SH3D19: variants seen among roughly 807,000 people sequenced by gnomAD.
SH3D19 encodes SH3 domain-containing protein 19.
In SH3D19, 58 loss-of-function variants were observed where a neutral mutation model predicts 112.1. The ratio of observed to expected loss-of-function variants is 0.52; its 90% CI spans 0.42 to 0.64. The LOEUF (loss-of-function observed/expected upper bound fraction) is 0.64. Among genes scored for constraint, SH3D19 ranks in the 30% least tolerant of loss-of-function variants. The pLI, the probability that SH3D19 is intolerant of heterozygous loss-of-function variation, is 0.00. For synonymous variants in SH3D19, 391 were observed against 448.5 expected (o/e 0.87, Z 1.62); for missense variants, 1,090 against 1,263.4 (o/e 0.86, Z 2.08).
chr4:151,207,692 G>A (rs938335151), intron 2 of SH3D19, among the ~76,000 whole-genome samples: 3 of 152,296 alleles, frequency 2.0e-5, no homozygotes, highest in East Asian at 1.9e-4. Context: ...CTCCAAGCAC[G>A]AAGGGATAGC....
intron 3 of SH3D19, among the ~76,000 whole-genome samples, chr4:151,185,630 T>C (rs998887118): frequency 6.6e-6 from 1 of 152,208 alleles, no homozygotes; most frequent in Admixed American, 6.5e-5. Flanking sequence ...TTCCCACATA[T>C]TTATAGTTCA....
intron 1 of SH3D19, among the ~76,000 whole-genome samples, chr4:151,238,283 A>C (rs1053073902): frequency 9.2e-5 from 14 of 152,182 alleles, no homozygotes; most frequent in African/African-American, 2.9e-4. Flanking sequence ...TTTTTTATCT[A>C]TTTATGAAAT....
intron 1 of SH3D19, chr4:151,261,398 T>G (rs1772367883): frequency 6.6e-6 from 1 of 152,290 alleles, no homozygotes; most frequent in Non-Finnish European, 1.5e-5. Context: ...ACACATCTAG[T>G]GCCATCGCTG....
At position 151,226,100 on chromosome 4, in the gene SH3D19, A is replaced by C. The variant is rs1768948864; in HGVS notation, c.113-14T>G. 1 of 1,231,610 alleles carries C rather than the reference A, an allele frequency of 8.1e-7. No homozygotes were observed. The highest frequency in any genetic ancestry group is 4.2e-5 in the Admixed American group (1 of 23,706). The allele number at this position is 1,231,610 out of a possible 1,614,324, so 76.3% of individuals were successfully genotyped here. A position where few individuals can be genotyped will look rare whatever the true frequency, so the allele number is the denominator to read the frequency against. ...GTTCGTTGCGATCTGTAGAGAAAGAAGATGGTTACGTGTCAAAAGGTTCTT... is the reference window on the plus strand; with the variant it reads ...GTTCGTTGCGATCTGTAGAGAAAGACGATGGTTACGTGTCAAAAGGTTCTT... On this transcript the variant is annotated splice_polypyrimidine_tract_variant and intron_variant, in intron 1 of 19. Transcript: ENST00000604030.
At chr4:151,320,173 T>C (rs1199446674) in intron 1 of SH3D19, among the ~76,000 whole-genome samples, 4 of 152,234 alleles carry the variant, frequency 2.6e-5, no homozygotes, top group East Asian at 1.9e-4. Flanking sequence ...ACAACAGTTA[T>C]ATCAGTCCTT....
chr4:151,151,302 C>T (rs998964560), intron 9 of SH3D19, among the ~76,000 whole-genome samples: 10 of 152,048 alleles, frequency 6.6e-5, no homozygotes, highest in African/African-American at 2.4e-4. Context: ...TTGTTTTCCA[C>T]TTTTCCTACT....
chr4:151,175,171 A>G lies in SH3D19; in HGVS notation c.1033T>C (p.Ser345Pro), dbSNP rs1427378926. The change falls in exon 7 of 20, where the codon TCT (serine) becomes CCT (proline). Residue 345 changes from serine to proline, a missense_variant. Transcript: ENST00000604030. ...VAPKPAANRA[S>P]GEWDSGTENR... Reference sequence around the variant, plus strand: ...TCAGTCCCAGAGTCCCACTCTCCAGAAGCTCTGTTAGCAGCTGGTTTGGGA... The same window carrying G: ...TCAGTCCCAGAGTCCCACTCTCCAGGAGCTCTGTTAGCAGCTGGTTTGGGA... 4 of 1,613,954 alleles carry G rather than the reference A, an allele frequency of 2.5e-6. No homozygotes were observed. The highest frequency in any genetic ancestry group is 2.5e-6 in the Non-Finnish European group (3 of 1,180,016).
chr4:151,185,572 G>A (rs986066302), intron 3 of SH3D19, among the ~76,000 whole-genome samples: 5 of 152,178 alleles, frequency 3.3e-5, no homozygotes, highest in East Asian at 3.8e-4. Flanking sequence ...AGGCTATCAA[G>A]AAGTTTTCAT....
chr4:151,159,345 A>G lies in SH3D19; in HGVS notation c.1650T>C (p.His550=). The G allele has an allele frequency of 6.4e-7, 1 of 1,566,340 alleles. No homozygotes were observed. The highest frequency in any genetic ancestry group is 8.6e-7 in the Non-Finnish European group (1 of 1,156,754). Residue 550 remains histidine (H), a synonymous_variant, in exon 9 of 20, where the codon CAT becomes CAC. Coordinates refer to ENST00000604030, the MANE Select transcript of SH3D19 (RefSeq NM_001378122.1). ...RIPAKPGKCL[H]EDPQSPPPLP... ...GAGGAGGTGGACTTTGTGGATCCTC[A>G]TGTAAACCTGGAAAAAGTAGCAGTA...
In SH3D19 at chr4:151,122,078, A is replaced by G; in HGVS notation, c.*13T>C. On this transcript the variant is annotated 3_prime_UTR_variant, in exon 20 of 20. Coordinates refer to ENST00000604030, the MANE Select transcript of SH3D19 (RefSeq NM_001378122.1). Reference sequence around the variant, plus strand: ...TGAGTTCTTGTGCCAAGGAACACAGACAAGCTTCTCCTCTAGCTGATCTGT... The same window carrying G: ...TGAGTTCTTGTGCCAAGGAACACAGGCAAGCTTCTCCTCTAGCTGATCTGT... 1 of 1,338,896 alleles carries G rather than the reference A, an allele frequency of 7.5e-7. No homozygotes were observed. The highest frequency in any genetic ancestry group is 1.1e-6 in the Non-Finnish European group (1 of 933,372). The allele number at this position is 1,338,896 out of a possible 1,614,324, so 82.9% of individuals were successfully genotyped here. A position where few individuals can be genotyped will look rare whatever the true frequency, so the allele number is the denominator to read the frequency against.
At chr4:151,252,935 G>A (rs144159252) in intron 1 of SH3D19, among the ~76,000 whole-genome samples, 7 of 152,262 alleles carry the variant, frequency 4.6e-5, no homozygotes, top group African/African-American at 1.7e-4. Flanking sequence ...ACTGGAATCT[G>A]CCACTTCTTA....
At chr4:151,138,826 A>AT (rs1298595005) in intron 13 of SH3D19, among the ~76,000 whole-genome samples, 1 of 152,004 alleles carries the variant, frequency 6.6e-6, no homozygotes, top group Non-Finnish European at 1.5e-5. Flanking sequence ...CTTTATTACA[A>AT]TTTTTTTGTT....
At chr4:151,283,489 C>G (rs1049021490) in intron 1 of SH3D19, among the ~76,000 whole-genome samples, 1 of 149,070 alleles carries the variant, frequency 6.7e-6, no homozygotes, top group South Asian at 2.2e-4. Flanking sequence ...TAGACCAATA[C>G]TAACGACTGG....
chr4:151,286,568 CT>C (rs1185111540), intron 1 of SH3D19, among the ~76,000 whole-genome samples: 1 of 148,712 alleles, frequency 6.7e-6, no homozygotes, highest in East Asian at 2.0e-4. Flanking sequence ...CTGAATAAAC[CT>C]AATAAAAAGT....
At chr4:151,268,762 A>C (rs1364843452) in intron 1 of SH3D19, among the ~76,000 whole-genome samples, 1 of 144,200 alleles carries the variant, frequency 6.9e-6, no homozygotes, top group East Asian at 2.0e-4. Flanking sequence ...CCTACAAAGG[A>C]CATGAACTCA....
intron 18 of SH3D19, 85 bp downstream of exon 18, chr4:151,128,084 TG>T: frequency 8.9e-7 from 1 of 1,119,324 alleles, no homozygotes; most frequent in Non-Finnish European, 1.2e-6. Flanking sequence ...AAACTGAGCA[TG>T]GCCAGAGGGG....
At chr4:151,322,388 A>T (rs186173028) in intron 1 of SH3D19, among the ~76,000 whole-genome samples, 101 of 142,992 alleles carry the variant, frequency 7.1e-4, no homozygotes, top group Non-Finnish European at 1.2e-3. Flanking sequence ...AGCCATGACC[A>T]CGCCACTAGA....
intron 1 of SH3D19, among the ~76,000 whole-genome samples, chr4:151,319,642 T>C (rs940169352): frequency 6.6e-6 from 1 of 152,222 alleles, no homozygotes; most frequent in African/African-American, 2.4e-5. Context: ...GAGGTTCAGC[T>C]ATACCTAGTT....
At chr4:151,197,425 T>C (rs972566214) in intron 2 of SH3D19, among the ~76,000 whole-genome samples, 3 of 152,212 alleles carry the variant, frequency 2.0e-5, no homozygotes, top group Non-Finnish European at 4.4e-5. Context: ...TATCTACTGA[T>C]GATGTGGCAA....
Sources: gnomAD v4.1 joint callset for allele counts (sites outside exome capture counted in the v4.1 genomes callset) on GRCh38, gnomAD v4.1.1 for gene constraint, MANE v1.5 for transcripts, NCBI Gene and HGNC (gene_info 2026-07-23, HGNC 2026-07-21) for gene names.